Variants in ZDHHC8 observed in about 807,000 individuals in gnomAD.
ZDHHC8 encodes the protein zDHHC palmitoyltransferase 8.
In ZDHHC8, 24 loss-of-function variants were observed where a neutral mutation model predicts 61.2. That is an observed-to-expected ratio of 0.39 (90% CI 0.28 to 0.55). ZDHHC8 has a LOEUF of 0.55. Ranked by LOEUF, ZDHHC8 falls within the 20% of genes least tolerant of loss-of-function variation. ZDHHC8 has a pLI of 0.60. For missense variants in ZDHHC8, 935 were observed against 1,102.1 expected, an observed-to-expected ratio of 0.85 and a Z score of 2.15; for synonymous variants, 523 against 492.5, an observed-to-expected ratio of 1.06 and a Z score of -0.82.
In ZDHHC8 at chr22:20,131,869, G is replaced by A; in HGVS notation, c.-79G>A. ...GCGGGTCCTGCGCCGCGTCCAGCCC[G>A]CCCGCCCGACCCCGGCCCGACCCCG... On this transcript the variant is annotated 5_prime_UTR_variant, in exon 1 of 11. Coordinates refer to ENST00000334554, the MANE Select transcript of ZDHHC8 (RefSeq NM_013373.4). 5.6e-6 allele frequency: 1 copy of A among 180,034 alleles called. No homozygotes were observed. The highest frequency in any genetic ancestry group is 1.0e-5 in the Non-Finnish European group (1 of 98,556). 11.2% of individuals were successfully genotyped at this position (180,034 alleles called of 1,614,324 possible).
At chr22:20,136,299 G>C (rs1261210327) in intron 1 of ZDHHC8, among the ~76,000 whole-genome samples, 1 of 152,216 alleles carries the variant, frequency 6.6e-6, no homozygotes, top group African/African-American at 2.4e-5. Flanking sequence ...CCTGGACCCA[G>C]ACTACTGCCT....
chr22:20,142,561 C>T (rs1330455397), intron 9 of ZDHHC8, among the ~76,000 whole-genome samples, 195 bp from the exon 10 acceptor site: 1 of 152,194 alleles, frequency 6.6e-6, no homozygotes, highest in African/African-American at 2.4e-5. Flanking sequence ...GCTGTGGCCT[C>T]CCTCCTGTTG....
At chr22:20,133,960 C>T (rs573412947) in intron 1 of ZDHHC8, among the ~76,000 whole-genome samples, 49 of 152,134 alleles carry the variant, frequency 3.2e-4, no homozygotes, top group Non-Finnish European at 5.7e-4. Context: ...CTGACCCAGC[C>T]CTAGGCATGG....
chr22:20,143,996 C>T (rs946979028), intron 10 of ZDHHC8, among the ~76,000 whole-genome samples: 2 of 152,182 alleles, frequency 1.3e-5, no homozygotes, highest in African/African-American at 2.4e-5. Flanking sequence ...TGTCCTGAGC[C>T]CGACGACTCG....
intron 1 of ZDHHC8, among the ~76,000 whole-genome samples, chr22:20,133,665 T>A (rs2050396717): frequency 7.2e-6 from 1 of 139,404 alleles, no homozygotes; most frequent in Admixed American, 7.8e-5. Flanking sequence ...TAAGGCGGAG[T>A]GAGCCGAAAT....
At position 20,141,502 on chromosome 22, in the gene ZDHHC8, A is replaced by G; in HGVS notation, c.1097A>G (p.Lys366Arg). Residue 366 changes from lysine to arginine, a missense_variant, in exon 9 of 11, where the codon AAG becomes AGG. Lys to Arg is a conservative substitution (Grantham distance 26). This residue lies in a region of ZDHHC8 where 692 missense variants were observed against 731.4 expected (regional missense o/e 0.95). Transcript: ENST00000334554. ...AGGCCGGCTTTCCCCACGGGTCCCA[A>G]GGTGCCCTTCTGTGGACCAGGCGAG... ...KFRPAFPTGP[K>R]VPFCGPGEQV... 3 of 1,612,862 alleles carry G rather than the reference A, an allele frequency of 1.9e-6. No individual in the cohort carries two copies. Among genetic ancestry groups the G allele is most frequent in the Non-Finnish European group, 2.5e-6 (3 of 1,179,866 alleles).
intron 1 of ZDHHC8, among the ~76,000 whole-genome samples, chr22:20,138,083 G>A (rs571285571): frequency 9.8e-5 from 15 of 152,388 alleles, no homozygotes; most frequent in Non-Finnish European, 2.1e-4. Flanking sequence ...GGGGCGGCGG[G>A]GCTGGCTCTT....
intron 1 of ZDHHC8, among the ~76,000 whole-genome samples, chr22:20,136,887 C>G (rs1367231217): frequency 6.6e-6 from 1 of 152,236 alleles, no homozygotes; most frequent in African/African-American, 2.4e-5. Context: ...GTGTCCATGT[C>G]TTCACACGTG....
intron 2 of ZDHHC8, 50 bp from the exon 3 acceptor site, chr22:20,139,428 C>T (rs371210288): frequency 1.2e-6 from 2 of 1,606,832 alleles, no homozygotes; most frequent in Non-Finnish European, 1.7e-6. Context: ...GAGGGATTCA[C>T]CTGCCAGGAA....
In ZDHHC8 at chr22:20,146,580, T is replaced by C; in HGVS notation, c.*1180T>C. On this transcript the variant is annotated 3_prime_UTR_variant, in exon 11 of 11. Coordinates refer to ENST00000334554, the MANE Select transcript of ZDHHC8 (RefSeq NM_013373.4). The stretch of plus-strand genomic sequence containing the variant: ...TGGTGTGCAGGGGTCGGTGGGTTCC[T>C]CAGGGGCATTTCTGCCGACTTGGGC... 1 of 995,408 alleles carries C rather than the reference T, an allele frequency of 1.0e-6. No homozygotes were observed. The highest frequency in any genetic ancestry group is 1.2e-6 in the Non-Finnish European group (1 of 837,100). The allele number at this position is 995,408 out of a possible 1,614,324, so 61.7% of individuals were successfully genotyped here.
At chr22:20,141,106 G>C in intron 7 of ZDHHC8, 94 bp downstream of exon 7, 1 of 1,592,908 alleles carries the variant, frequency 6.3e-7, no homozygotes, top group Non-Finnish European at 8.5e-7. Flanking sequence ...GGATGGGGCA[G>C]ACAGAGCCGT....
rs1472564167 is a variant in ZDHHC8, at chr22:20,147,024, G to A, written c.*1624G>A. The A allele has an allele frequency of 4.9e-6, 7 of 1,418,998 alleles. No homozygotes were observed. In the Admixed American group the frequency reaches 2.0e-4, roughly 40 times the overall value. 87.9% of individuals were successfully genotyped at this position (1,418,998 alleles called of 1,614,324 possible). ...TCACGGACGCCGCGGCCCGCAGGGG[G>A]CGGATTGGCACCTGCACCCGTGGAT... On this transcript the variant is annotated 3_prime_UTR_variant, in exon 11 of 11. Transcript: ENST00000334554.
At chr22:20,137,242 G>T (rs979049100) in intron 1 of ZDHHC8, among the ~76,000 whole-genome samples, 6 of 150,076 alleles carry the variant, frequency 4.0e-5, no homozygotes, top group African/African-American at 1.5e-4. Flanking sequence ...CGCCTGGTGT[G>T]GGGGAGTCCA....
chr22:20,144,461 C>T (rs1022044156), intron 10 of ZDHHC8, among the ~76,000 whole-genome samples: 4 of 152,356 alleles, frequency 2.6e-5, no homozygotes, highest in East Asian at 1.9e-4. Context: ...CGGCATCTGT[C>T]GCCCTGTCCG....
rs758804889 is a variant in ZDHHC8, at chr22:20,142,943, C to T, written c.1313C>T (p.Ser438Leu). Residue 438 changes from serine to leucine, a missense_variant, in exon 10 of 11, where the codon TCG becomes TTG. This residue lies in a region of ZDHHC8 where 692 missense variants were observed against 731.4 expected (regional missense o/e 0.95). Transcript: ENST00000334554. ...GALRSLSLKASSRRGGDHVAL... is the reference protein window; with the variant it reads ...GALRSLSLKALSRRGGDHVAL... ...TTGCGCTCCCTGAGCCTCAAGGCCT[C>T]GAGCCGGCGGGGCGGGGATCATGTG... 1.4e-5 allele frequency: 22 copies of T among 1,602,058 alleles called. No homozygotes were observed. The highest frequency in any genetic ancestry group is 2.2e-5 in the East Asian group (1 of 44,580).
At position 20,139,332 on chromosome 22, in the gene ZDHHC8, C is replaced by G. The variant is rs374429168; in HGVS notation, c.226+17C>G. ...TCCCCCGAGGTAGGGCCCTGTGCTGCGGCAGCTCCTCTCACTTTCACTAGA... is the reference window on the plus strand; with the variant it reads ...TCCCCCGAGGTAGGGCCCTGTGCTGGGGCAGCTCCTCTCACTTTCACTAGA... On this transcript the variant is annotated intron_variant, in intron 2 of 10. Coordinates refer to ENST00000334554, the MANE Select transcript of ZDHHC8 (RefSeq NM_013373.4). 1.2e-6 allele frequency: 2 copies of G among 1,611,274 alleles called. No homozygotes were observed. The highest frequency in any genetic ancestry group is 4.5e-5 in the East Asian group (2 of 44,882).
chr22:20,132,512 T>A (rs1039817113), intron 1 of ZDHHC8, among the ~76,000 whole-genome samples: 1 of 152,230 alleles, frequency 6.6e-6, no homozygotes, highest in Non-Finnish European at 1.5e-5. Flanking sequence ...TGTTCCCACG[T>A]AGGTGTGGCC....
intron 1 of ZDHHC8, among the ~76,000 whole-genome samples, chr22:20,134,272 AC>A (rs2050402313): frequency 6.6e-6 from 1 of 152,066 alleles, no homozygotes; most frequent in Non-Finnish European, 1.5e-5. Context: ...GTGAGGCCAC[AC>A]CCCTGGGCTG....
Position 20,131,974 on chromosome 22 carries a change from C to G in ZDHHC8, c.27C>G (p.Leu9=), listed in dbSNP as rs760468802. Residue 9 remains leucine, a synonymous_variant, in exon 1 of 11, where the codon CTC becomes CTG. Coordinates refer to ENST00000334554, the MANE Select transcript of ZDHHC8 (RefSeq NM_013373.4). The part of the protein sequence containing the change: MPRSPGTR[L]KPAKYIPVAT... Reference sequence around the variant, plus strand: ...TGCCCCGCAGCCCCGGGACGCGCCTCAAACCCGCCAAGTACATCCCGGTGG... The same window carrying G: ...TGCCCCGCAGCCCCGGGACGCGCCTGAAACCCGCCAAGTACATCCCGGTGG... The G allele has an allele frequency of 7.5e-7, 1 of 1,342,188 alleles. No homozygotes were observed. The highest frequency in any genetic ancestry group is 9.7e-7 in the Non-Finnish European group (1 of 1,029,432). The allele number at this position is 1,342,188 out of a possible 1,614,324, so 83.1% of individuals were successfully genotyped here.
Sources: gnomAD v4.1 joint callset for allele counts (sites outside exome capture counted in the v4.1 genomes callset) on GRCh38, gnomAD v4.1.1 for gene constraint, gnomAD v4.1.1 regional missense constraint, MANE v1.5 for transcripts, NCBI Gene and HGNC (gene_info 2026-07-23, HGNC 2026-07-21) for gene names.